The following MIPOL1 variants were observed in gnomAD, a reference collection of about 807,000 sequenced individuals.
MIPOL1 encodes mirror-image polydactyly 1, also known as mirror-image polydactyly gene 1 protein.
Under a neutral mutation model 60.9 loss-of-function variants are expected in MIPOL1, and 57 were observed. That is an observed-to-expected ratio of 0.94 (90% CI 0.76 to 1.17). MIPOL1 has a LOEUF of 1.17. MIPOL1 is among the 50% of genes most tolerant of loss of function. MIPOL1 has a pLI of 0.00. For synonymous variants in MIPOL1, 179 were observed against 168.8 expected (o/e 1.06, Z -0.47); for missense variants, 551 against 511.6 (o/e 1.08, Z -0.74).
intron 9 of MIPOL1, among the ~76,000 whole-genome samples, chr14:37,311,464 A>AT (rs1803993884): frequency 2.6e-5 from 4 of 152,156 alleles, no homozygotes; most frequent in Admixed American, 2.0e-4. Context: ...ACCGCACTAT[A>AT]TTTATGGTTA....
intron 1 of MIPOL1, among the ~76,000 whole-genome samples, chr14:37,244,664 T>A (rs1972907509): frequency 6.6e-6 from 1 of 151,656 alleles, no homozygotes; most frequent in South Asian, 2.1e-4. Context: ...AATCTTTATA[T>A]GTTTTGTCTT....
In MIPOL1 at chr14:37,283,230, T is replaced by A. The variant is rs527667314; in HGVS notation, c.494-2088T>A. ...ACGGGTGCCCGCCACCACATCCAGC[T>A]AATTTTTTGTATTTTTAGTAGAGAT... On this transcript the variant is annotated intron_variant, in intron 6 of 12. Transcript: ENST00000684589. Among the ~76,000 whole-genome samples, 18 of 152,204 alleles carry A rather than the reference T, an allele frequency of 1.2e-4. No homozygotes were observed. In the South Asian group the frequency reaches 1.9e-3, roughly 16 times the overall value.
In MIPOL1 at chr14:37,549,113, A is replaced by C. The variant is rs993358568; in HGVS notation, c.*2142A>C. 6.6e-6 allele frequency: 1 copy of C among 151,906 alleles called. No homozygotes were observed. The highest frequency in any genetic ancestry group is 1.5e-5 in the Non-Finnish European group (1 of 67,826). The allele number at this position is 151,906 out of a possible 1,614,324, so 9.4% of individuals were successfully genotyped here. On this transcript the variant is annotated 3_prime_UTR_variant, in exon 13 of 13. Transcript: ENST00000684589. ...GTCTTTATATATTTTTTCTGTATGA[A>C]GGAATAGCCTTGCCTACTGAAGATA...
At chr14:37,272,632 T>C (rs1238422470) in intron 6 of MIPOL1, among the ~76,000 whole-genome samples, 1 of 151,576 alleles carries the variant, frequency 6.6e-6, no homozygotes, top group Admixed American at 6.6e-5. Context: ...AAAAGAGCAG[T>C]ATAGGACTAT....
chr14:37,429,032 A>G (rs2094014462), intron 11 of MIPOL1, among the ~76,000 whole-genome samples: 1 of 152,188 alleles, frequency 6.6e-6, no homozygotes, highest in African/African-American at 2.4e-5. Flanking sequence ...GTACCTCCTG[A>G]TTGCTATAGC....
chr14:37,525,193 A>G lies in MIPOL1; in HGVS notation c.1263-21712A>G, dbSNP rs1031910635. ...ACCAAGCACTGAGGCAAGCACTGGG[A>G]ATTACTGGTTAAATATAATTCAAGG... On this transcript the variant is annotated intron_variant, in intron 12 of 12. Coordinates refer to ENST00000684589, the MANE Select transcript of MIPOL1 (RefSeq NM_001388067.1). Among the ~76,000 whole-genome samples, 3 of 152,146 alleles carry G rather than the reference A, an allele frequency of 2.0e-5. No individual in the cohort carries two copies. The South Asian group carries it at 6.2e-4, about 32-fold the overall frequency.
chr14:37,355,856 C>T (rs1228434759), intron 9 of MIPOL1, among the ~76,000 whole-genome samples: 1 of 149,710 alleles, frequency 6.7e-6, no homozygotes, highest in Non-Finnish European at 1.5e-5. Flanking sequence ...GTTTGAATGT[C>T]CTCCTGTAGC....
intron 1 of MIPOL1, among the ~76,000 whole-genome samples, chr14:37,234,778 ATTC>A (rs1418073453): frequency 6.6e-6 from 1 of 150,844 alleles, no homozygotes; most frequent in Non-Finnish European, 1.5e-5. Context: ...ACTTAGCTGA[ATTC>A]TTTTTTTTTT....
Position 37,549,556 on chromosome 14 carries a change from ACT to A in MIPOL1, c.*2587_*2588del, listed in dbSNP as rs1352014936. 1.3e-5 allele frequency: 2 copies of A among 151,622 alleles called. No homozygotes were observed. The highest frequency in any genetic ancestry group is 3.0e-5 in the Non-Finnish European group (2 of 67,720). 9.4% of individuals were successfully genotyped at this position (151,622 alleles called of 1,614,324 possible). ...CCTAGAACTAAGATCTTATAACCAC[ACT>A]CCATGCAACTATGAGTCTCTAAATC... On this transcript the variant is annotated 3_prime_UTR_variant, in exon 13 of 13. Coordinates refer to ENST00000684589, the MANE Select transcript of MIPOL1 (RefSeq NM_001388067.1).
At chr14:37,359,014 G>A (rs1394114740) in intron 9 of MIPOL1, among the ~76,000 whole-genome samples, 1 of 152,120 alleles carries the variant, frequency 6.6e-6, no homozygotes, top group Admixed American at 6.6e-5. Context: ...TTCTGTATAA[G>A]GTATAAGGAA....
intron 1 of MIPOL1, among the ~76,000 whole-genome samples, chr14:37,235,551 A>G (rs937587568): frequency 1.3e-5 from 2 of 152,158 alleles, no homozygotes; most frequent in South Asian, 4.1e-4. Context: ...TTTATTAATC[A>G]CAGGTAGGAT....
intron 7 of MIPOL1, among the ~76,000 whole-genome samples, chr14:37,299,943 T>C (rs2086222798): frequency 5.9e-5 from 9 of 152,058 alleles, no homozygotes; most frequent in Admixed American, 5.9e-4. Context: ...GGCATATTGA[T>C]CAAGGTATTT....
intron 11 of MIPOL1, among the ~76,000 whole-genome samples, chr14:37,490,936 A>T (rs758120754): frequency 3.0e-4 from 45 of 152,112 alleles, no homozygotes; most frequent in Non-Finnish European, 5.7e-4. Flanking sequence ...TCTTAATTGC[A>T]TCTTCTATTT....
intron 7 of MIPOL1, among the ~76,000 whole-genome samples, chr14:37,303,416 C>G (rs1245647599): frequency 2.0e-5 from 3 of 151,894 alleles, no homozygotes; most frequent in African/African-American, 7.2e-5. Context: ...CAAGCCAAAA[C>G]TTCTTCCTCA....
intron 9 of MIPOL1, among the ~76,000 whole-genome samples, chr14:37,325,676 T>C (rs2089086181): frequency 6.6e-6 from 1 of 152,104 alleles, no homozygotes; most frequent in Admixed American, 6.6e-5. Context: ...TGTCTTCATT[T>C]TACTCTCATT....
chr14:37,235,144 G>A (rs1389453158), intron 1 of MIPOL1, among the ~76,000 whole-genome samples: 2 of 151,914 alleles, frequency 1.3e-5, no homozygotes, highest in African/African-American at 4.8e-5. Flanking sequence ...TGCCCTTAGT[G>A]TCTTAATATT....
intron 11 of MIPOL1, among the ~76,000 whole-genome samples, chr14:37,495,553 C>T (rs1380136614): frequency 6.7e-6 from 1 of 148,576 alleles, no homozygotes; most frequent in East Asian, 2.0e-4. Context: ...GGGTTGGTTC[C>T]AAGTCTTTGC....
chr14:37,446,061 A>T (rs1187232169), intron 11 of MIPOL1, among the ~76,000 whole-genome samples: 1 of 152,208 alleles, frequency 6.6e-6, no homozygotes, highest in Non-Finnish European at 1.5e-5. Context: ...ACAAAAGCCA[A>T]AATTGACAAA....
intron 11 of MIPOL1, among the ~76,000 whole-genome samples, chr14:37,440,541 T>A (rs978382266): frequency 2.0e-5 from 3 of 152,194 alleles, no homozygotes; most frequent in African/African-American, 7.2e-5. Context: ...TCTTTCTGTG[T>A]CTGGCTTCTT....
Sources: allele counts gnomAD v4.1 joint callset (sites outside exome capture counted in the v4.1 genomes callset), GRCh38; gene constraint gnomAD v4.1.1; transcripts MANE v1.5; gene names NCBI Gene and HGNC (gene_info 2026-07-23, HGNC 2026-07-21).